CALCR: variants seen among roughly 807,000 people sequenced by gnomAD.
CALCR encodes the protein calcitonin receptor.
A neutral mutation model predicts 59.5 loss-of-function variants in CALCR; 47 were observed. That is an observed-to-expected ratio of 0.79 (90% CI 0.63 to 1.01). The LOEUF (loss-of-function observed/expected upper bound fraction) is 1.01. CALCR is among the 50% of genes least tolerant of loss of function. The pLI is 0.00. For missense variants in CALCR, 566 were observed against 597.1 expected, an observed-to-expected ratio of 0.95 and a Z score of 0.54; for synonymous variants, 213 against 211.3, an observed-to-expected ratio of 1.01 and a Z score of -0.07.
At chr7:93,474,052 C>A (rs1005446894) in intron 5 of CALCR, among the ~76,000 whole-genome samples, 3 of 151,640 alleles carry the variant, frequency 2.0e-5, no homozygotes, top group African/African-American at 7.3e-5. Context: ...TTTAAAATAA[C>A]ATTTGATAAC....
At chr7:93,526,054 T>C (rs1165254005) in intron 2 of CALCR, among the ~76,000 whole-genome samples, 2 of 152,188 alleles carry the variant, frequency 1.3e-5, no homozygotes, top group African/African-American at 4.8e-5. Flanking sequence ...TCAATGGATA[T>C]TGCAAGACTT....
At chr7:93,527,569 G>A (rs1325476151) in intron 2 of CALCR, among the ~76,000 whole-genome samples, 3 of 151,910 alleles carry the variant, frequency 2.0e-5, no homozygotes, top group Non-Finnish European at 4.4e-5. Context: ...TTTGCTTTAG[G>A]ACCTCTGAGT....
chr7:93,436,501 A>T (rs1799782138), intron 11 of CALCR, among the ~76,000 whole-genome samples: 1 of 152,006 alleles, frequency 6.6e-6, no homozygotes, highest in Admixed American at 6.6e-5. Flanking sequence ...TTTAATCTGC[A>T]TTTTCCTGAT....
intron 2 of CALCR, among the ~76,000 whole-genome samples, chr7:93,541,733 G>T (rs1234035352): frequency 1.3e-5 from 2 of 152,112 alleles, no homozygotes; most frequent in Non-Finnish European, 2.9e-5. Context: ...CTATCCATTT[G>T]TCCATGTGCA....
At position 93,425,201 on chromosome 7, in the gene CALCR, A is replaced by AATTG. The variant is rs1209639964; in HGVS notation, c.*1151_*1154dup. On this transcript the variant is annotated 3_prime_UTR_variant, in exon 14 of 14. Coordinates refer to ENST00000426151, the MANE Select transcript of CALCR (RefSeq NM_001742.4). Reference sequence around the variant, plus strand: ...ATTTTAATGAGAAACGTTAAACATGAATTGATTTATGGTTAAATTTGGAGC... The same window carrying AATTG: ...ATTTTAATGAGAAACGTTAAACATGAATTGATTGATTTATGGTTAAATTTGGAGC... The AATTG allele has an allele frequency of 1.3e-5, 2 of 152,610 alleles. No homozygotes were observed. The highest frequency in any genetic ancestry group is 4.8e-5 in the African/African-American group (2 of 41,454). The allele number at this position is 152,610 out of a possible 1,614,324, so 9.5% of individuals were successfully genotyped here.
chr7:93,445,829 ACAG>A (rs1799996691), intron 8 of CALCR, among the ~76,000 whole-genome samples: 2 of 152,100 alleles, frequency 1.3e-5, no homozygotes, highest in Admixed American at 6.6e-5. Context: ...GGAACATCAT[ACAG>A]CACTTCAGTA....
At chr7:93,458,963 A>G (rs1026698878) in intron 8 of CALCR, among the ~76,000 whole-genome samples, 11 of 152,218 alleles carry the variant, frequency 7.2e-5, no homozygotes, top group African/African-American at 2.7e-4. Flanking sequence ...CCATTAACAA[A>G]TAAGGAAAAG....
intron 2 of CALCR, among the ~76,000 whole-genome samples, chr7:93,508,072 T>C (rs898681786): frequency 6.6e-6 from 1 of 152,230 alleles, no homozygotes; most frequent in Non-Finnish European, 1.5e-5. Flanking sequence ...AACCAATTTA[T>C]GATATTTCAT....
intron 7 of CALCR, chr7:93,461,935 AC>A: frequency 1.6e-6 from 1 of 641,528 alleles, no homozygotes; most frequent in African/African-American, 1.9e-5. Flanking sequence ...AGAGCGTAAA[AC>A]ATGCCAATGA....
At chr7:93,474,414 T>C (rs538167136) in intron 5 of CALCR, among the ~76,000 whole-genome samples, 1 of 151,722 alleles carries the variant, frequency 6.6e-6, no homozygotes, top group Non-Finnish European at 1.5e-5. Flanking sequence ...AATTTGGTAC[T>C]GGGACTCTAG....
intron 2 of CALCR, among the ~76,000 whole-genome samples, chr7:93,547,818 A>G (rs1171343929): frequency 4.6e-5 from 7 of 152,138 alleles, no homozygotes; most frequent in Admixed American, 4.6e-4. Flanking sequence ...TGTATCATGG[A>G]CTTTCAGCTG....
At chr7:93,568,896 A>G (rs993823138) in intron 2 of CALCR, among the ~76,000 whole-genome samples, 1 of 151,826 alleles carries the variant, frequency 6.6e-6, no homozygotes, top group Non-Finnish European at 1.5e-5. Flanking sequence ...TTTTCCTCCA[A>G]ATTCAACTAT....
Position 93,424,535 on chromosome 7 carries a change from C to A in CALCR, c.*1821G>T, listed in dbSNP as rs1005647030. ...TTCTTTAGAAAAATATGCAAATATA[C>A]ATCTTTTTGCTTTTAACGTACTCTG... is the stretch of plus-strand genomic sequence containing the variant. On this transcript the variant is annotated 3_prime_UTR_variant, in exon 14 of 14. Coordinates refer to ENST00000426151, the MANE Select transcript of CALCR (RefSeq NM_001742.4). 6.6e-6 allele frequency: 1 copy of A among 152,494 alleles called. No individual in the cohort carries two copies. Among genetic ancestry groups the A allele is most frequent in the Non-Finnish European group, 1.5e-5 (1 of 67,988 alleles). The allele number at this position is 152,494 out of a possible 1,614,324, so 9.4% of individuals were successfully genotyped here.
At chr7:93,437,865 T>C (rs973896968) in intron 11 of CALCR, among the ~76,000 whole-genome samples, 195 bp downstream of exon 11, 1 of 152,178 alleles carries the variant, frequency 6.6e-6, no homozygotes, top group Admixed American at 6.6e-5. Flanking sequence ...AATGAGCTCA[T>C]GATAACCCCT....
At chr7:93,488,442 A>G (rs1023444008) in intron 2 of CALCR, among the ~76,000 whole-genome samples, 1 of 151,744 alleles carries the variant, frequency 6.6e-6, no homozygotes. Flanking sequence ...AAATGCCCCA[A>G]TTAAAAGACA....
intron 8 of CALCR, among the ~76,000 whole-genome samples, chr7:93,446,646 C>A (rs1256491644): frequency 4.0e-5 from 6 of 151,890 alleles, no homozygotes; most frequent in Non-Finnish European, 1.5e-5. Context: ...GTGGAGTAAA[C>A]CAGGCATTAA....
intron 3 of CALCR, among the ~76,000 whole-genome samples, chr7:93,481,290 T>C (rs1170129344): frequency 6.6e-6 from 1 of 151,802 alleles, no homozygotes; most frequent in Non-Finnish European, 1.5e-5. Flanking sequence ...GTAAAATTCA[T>C]GCAGCAGGCA....
At chr7:93,499,004 C>G (rs1801267782) in intron 2 of CALCR, among the ~76,000 whole-genome samples, 1 of 151,644 alleles carries the variant, frequency 6.6e-6, no homozygotes, top group Admixed American at 6.6e-5. Context: ...TTCAAACTCA[C>G]CACATGACTC....
intron 7 of CALCR, among the ~76,000 whole-genome samples, chr7:93,463,617 C>A (rs748400984): frequency 1.1e-4 from 16 of 151,918 alleles, no homozygotes; most frequent in Non-Finnish European, 4.4e-5. Flanking sequence ...GACAAACAGG[C>A]GCTCTTGCCT....
Sources: allele counts gnomAD v4.1 joint callset (sites outside exome capture counted in the v4.1 genomes callset), GRCh38; gene constraint gnomAD v4.1.1; transcripts MANE v1.5; gene names NCBI Gene and HGNC (gene_info 2026-07-23, HGNC 2026-07-21).